Variants in DAB1 observed in about 807,000 individuals in gnomAD.
DAB1 encodes the protein disabled homolog 1.
DAB1 carries 15 observed loss-of-function variants against 64.6 expected under a neutral mutation model. The observed-to-expected ratio is 0.23, with a 90% confidence interval of 0.16 to 0.36. DAB1 has a LOEUF of 0.36. DAB1 is among the 10% of genes least tolerant of loss of function. The pLI, the probability that DAB1 is intolerant of heterozygous loss-of-function variation, is 1.00. For synonymous variants in DAB1, 235 were observed against 251.9 expected (o/e 0.93, Z 0.64); for missense variants, 596 against 706.7 (o/e 0.84, Z 1.78).
At chr1:58,233,191 A>T (rs1436427690) in intron 4 of DAB1, among the ~76,000 whole-genome samples, 1 of 152,204 alleles carries the variant, frequency 6.6e-6, no homozygotes, top group Non-Finnish European at 1.5e-5. Context: ...TCCTAATGTA[A>T]ATTAAGTATA....
chr1:57,071,684 T>A (rs765695287), intron 5 of DAB1, 43 bp from the exon 6 acceptor site: 13 of 1,576,160 alleles, frequency 8.2e-6, no homozygotes, highest in African/African-American at 1.4e-5. Context: ...GGAATGGTAC[T>A]GAGACGCAGC....
At chr1:57,859,100 C>A (rs937031331) in intron 1 of DAB1, among the ~76,000 whole-genome samples, 2 of 151,152 alleles carry the variant, frequency 1.3e-5, no homozygotes, top group African/African-American at 4.9e-5. Context: ...ACAGAACTTC[C>A]CTAAGCAGCC....
At chr1:57,739,120 G>T (rs912363034) in intron 6 of DAB1, among the ~76,000 whole-genome samples, 1 of 152,098 alleles carries the variant, frequency 6.6e-6, no homozygotes, top group Non-Finnish European at 1.5e-5. Context: ...TCAAGCTATT[G>T]TAAATCCAGA....
At chr1:57,452,403 G>A (rs1353306058) in intron 7 of DAB1, among the ~76,000 whole-genome samples, 1 of 151,956 alleles carries the variant, frequency 6.6e-6, no homozygotes. Flanking sequence ...GGGCATTAAT[G>A]GTTAAAAGCA....
intron 1 of DAB1, among the ~76,000 whole-genome samples, chr1:57,349,215 C>T (rs559275668): frequency 1.3e-5 from 2 of 152,290 alleles, no homozygotes; most frequent in South Asian, 4.1e-4. Context: ...CATTGTTCTT[C>T]TCTTTCAACT....
intron 4 of DAB1, among the ~76,000 whole-genome samples, chr1:57,110,145 G>A (rs1225861334): frequency 6.6e-6 from 1 of 152,196 alleles, no homozygotes; most frequent in Non-Finnish European, 1.5e-5. Context: ...TAGAGCATCT[G>A]TTCTGTCCAA....
chr1:57,316,851 A>G (rs920219466), intron 1 of DAB1, among the ~76,000 whole-genome samples: 6 of 152,168 alleles, frequency 3.9e-5, no homozygotes, highest in Admixed American at 6.5e-5. Context: ...TGTGGCAGCC[A>G]TCTTAAAATG....
chr1:57,338,260 C>G (rs1365818496), intron 1 of DAB1, among the ~76,000 whole-genome samples: 1 of 152,096 alleles, frequency 6.6e-6, no homozygotes, highest in Non-Finnish European at 1.5e-5. Context: ...GCTGGGATGA[C>G]AGGAGTGAGC....
chr1:57,080,189 C>T (rs1652361637), intron 4 of DAB1, among the ~76,000 whole-genome samples: 1 of 152,138 alleles, frequency 6.6e-6, no homozygotes, highest in African/African-American at 2.4e-5. Context: ...TTTTTGTCTT[C>T]CCAAACTCAT....
At chr1:58,495,069 G>C (rs1394399543) in intron 3 of DAB1, among the ~76,000 whole-genome samples, 3 of 152,094 alleles carry the variant, frequency 2.0e-5, no homozygotes, top group African/African-American at 4.8e-5. Context: ...CACATATACA[G>C]CATGGAATAC....
At chr1:58,190,698 TAC>T (rs1657339287) in intron 4 of DAB1, among the ~76,000 whole-genome samples, 1 of 152,252 alleles carries the variant, frequency 6.6e-6, no homozygotes. Context: ...TAGCTGTTTT[TAC>T]ACTCCGTGTC....
chr1:58,252,204 C>T (rs756351389), intron 4 of DAB1, among the ~76,000 whole-genome samples: 56 of 152,204 alleles, frequency 3.7e-4, no homozygotes, highest in South Asian at 2.1e-4. Flanking sequence ...GCTCCTATAA[C>T]CCTTCTGTCC....
intron 2 of DAB1, among the ~76,000 whole-genome samples, chr1:57,289,962 G>A (rs1252973320): frequency 2.0e-5 from 3 of 152,182 alleles, no homozygotes; most frequent in Non-Finnish European, 4.4e-5. Context: ...AACACGAAAA[G>A]TGACAGAATT....
rs1221010703 is a variant in DAB1, at chr1:57,211,407, T to C, written c.68-65978A>G. 2.0e-5 allele frequency among the ~76,000 whole-genome samples: 3 copies of C among 152,284 alleles called. No individual in the cohort carries two copies. The East Asian group carries it at 5.8e-4, about 29-fold the overall frequency. ...TGTAACAAACTTAACAAAGAAAGTC[T>C]GTTCTCTTCTCATTCTATCACAGGT... On this transcript the variant is annotated intron_variant, in intron 2 of 14. Transcript: ENST00000371236.
chr1:57,098,204 C>T (rs1250989123), intron 4 of DAB1, among the ~76,000 whole-genome samples: 6 of 152,194 alleles, frequency 3.9e-5, no homozygotes, highest in Non-Finnish European at 7.3e-5. Context: ...ATAAATATAG[C>T]TTCTCTCAGG....
intron 2 of DAB1, among the ~76,000 whole-genome samples, chr1:57,190,709 C>T (rs1664051343): frequency 1.3e-5 from 2 of 152,114 alleles, no homozygotes; most frequent in South Asian, 4.1e-4. Context: ...AATGCAGCAT[C>T]CCCCGCACCA....
At chr1:58,298,983 C>G (rs1200227049) in intron 4 of DAB1, among the ~76,000 whole-genome samples, 3 of 152,132 alleles carry the variant, frequency 2.0e-5, no homozygotes, top group Non-Finnish European at 4.4e-5. Flanking sequence ...TGCAGAATCC[C>G]TTGTTCTATT....
intron 2 of DAB1, among the ~76,000 whole-genome samples, chr1:57,211,750 T>C (rs182263839): frequency 1.3e-3 from 174 of 137,022 alleles, no homozygotes; most frequent in African/African-American, 3.7e-3. Context: ...CCAAAAACTT[T>C]AGAAAAAGTA....
intron 2 of DAB1, among the ~76,000 whole-genome samples, chr1:57,247,529 C>T (rs919347413): frequency 6.6e-6 from 1 of 152,160 alleles, no homozygotes; most frequent in African/African-American, 2.4e-5. Context: ...AGCGTGAGAA[C>T]AGACTAATAT....
Sources: gnomAD v4.1 joint callset for allele counts (sites outside exome capture counted in the v4.1 genomes callset) on GRCh38, gnomAD v4.1.1 for gene constraint, MANE v1.5 for transcripts, NCBI Gene and HGNC (gene_info 2026-07-23, HGNC 2026-07-21) for gene names.